Variants in LHFPL6 observed in about 807,000 individuals in gnomAD.
The protein encoded by LHFPL6 is LHFPL tetraspan subfamily member 6 protein.
LHFPL6 carries 9 observed loss-of-function variants against 20.6 expected under a neutral mutation model. That is an observed-to-expected ratio of 0.44 (90% CI 0.26 to 0.76). The LOEUF is 0.76. Ranked by LOEUF, LHFPL6 falls within the 30% of genes least tolerant of loss-of-function variation. The pLI is 0.20. For synonymous variants in LHFPL6, 105 were observed against 98.7 expected, an observed-to-expected ratio of 1.06 and a Z score of -0.38; for missense variants, 218 against 253.5, an observed-to-expected ratio of 0.86 and a Z score of 0.95.
intron 2 of LHFPL6, among the ~76,000 whole-genome samples, chr13:39,485,107 G>A (rs1372695864): frequency 1.3e-5 from 2 of 152,144 alleles, no homozygotes; most frequent in Non-Finnish European, 1.5e-5. Flanking sequence ...TTGCCCTCAT[G>A]AGTCAGTGAC....
intron 2 of LHFPL6, among the ~76,000 whole-genome samples, chr13:39,401,027 A>G (rs1870977604): frequency 6.6e-6 from 1 of 152,192 alleles, no homozygotes; most frequent in Non-Finnish European, 1.5e-5. Flanking sequence ...ATTAACATAT[A>G]GAAAAGTGAT....
intron 2 of LHFPL6, among the ~76,000 whole-genome samples, chr13:39,481,804 T>G (rs1348649988): frequency 6.6e-6 from 1 of 152,166 alleles, no homozygotes; most frequent in Non-Finnish European, 1.5e-5. Flanking sequence ...TGCAAGATTT[T>G]CAACAGGAGT....
At chr13:39,469,124 G>C (rs1872879444) in intron 2 of LHFPL6, among the ~76,000 whole-genome samples, 1 of 152,270 alleles carries the variant, frequency 6.6e-6, no homozygotes, top group African/African-American at 2.4e-5. Flanking sequence ...TGCCAGTAGA[G>C]CTGCCCTGAA....
At position 39,402,557 on chromosome 13, in the gene LHFPL6, T is replaced by C. The variant is rs76393460; in HGVS notation, c.386-24031A>G. ...TTTTGCTTTTTTAAATATAGAAATA[T>C]AGCTCCAAGAAAATGTAAAATGGCA... On this transcript the variant is annotated intron_variant, in intron 2 of 3. Coordinates refer to ENST00000379589, the MANE Select transcript of LHFPL6 (RefSeq NM_005780.3). 7.1e-3 allele frequency among the ~76,000 whole-genome samples: 1,074 copies of C among 152,294 alleles called. 15 individuals are homozygous for C. The highest frequency in any genetic ancestry group is 0.025 in the African/African-American group (1,034 of 41,558).
intron 2 of LHFPL6, among the ~76,000 whole-genome samples, chr13:39,571,266 T>C (rs764682966): frequency 6.6e-6 from 1 of 152,200 alleles, no homozygotes; most frequent in African/African-American, 2.4e-5. Context: ...TCCGACCAGA[T>C]TGAGAACTTG....
chr13:39,362,831 G>T (rs922223028), intron 3 of LHFPL6, among the ~76,000 whole-genome samples: 3 of 152,144 alleles, frequency 2.0e-5, no homozygotes, highest in African/African-American at 7.2e-5. Flanking sequence ...ACACCAGCAC[G>T]AATCATACAA....
At position 39,352,871 on chromosome 13, in the gene LHFPL6, AT is replaced by A. The variant is rs2138338166; in HGVS notation, c.485-8818del. Among the ~76,000 whole-genome samples the A allele has an allele frequency of 2.9e-5, 2 of 67,914 alleles. 1 individual carries two copies. The highest frequency in any genetic ancestry group is 1.1e-3 in the South Asian group (2 of 1,840). 44.6% of individuals were successfully genotyped at this position (67,914 alleles called of 152,430 possible). ...TATAAATGTATATATATGTGTATAT[AT>A]ATATATAAATGTATATATATGTGTA... is the stretch of plus-strand genomic sequence containing the variant. On this transcript the variant is annotated intron_variant, in intron 3 of 3. Coordinates refer to ENST00000379589, the MANE Select transcript of LHFPL6 (RefSeq NM_005780.3).
intron 2 of LHFPL6, among the ~76,000 whole-genome samples, chr13:39,569,808 C>T (rs1227106418): frequency 1.3e-5 from 2 of 152,130 alleles, no homozygotes; most frequent in African/African-American, 4.8e-5. Flanking sequence ...GAGTGCCCAA[C>T]TAGAACTAGC....
Position 39,344,039 on chromosome 13 carries a change from C to A in LHFPL6, c.500G>T (p.Gly167Val), listed in dbSNP as rs909927698. The A allele has an allele frequency of 3.1e-6, 5 of 1,611,218 alleles. No homozygotes were observed. Among genetic ancestry groups the A allele is most frequent in the Admixed American group, 3.3e-5 (2 of 59,898 alleles). The stretch of plus-strand genomic sequence containing the variant: ...TGCTCCCGTGCAGTAGTAGGCCCAG[C>A]CGATTTCACACTTCCCTAAGGACAA... ...GQFDLGKCEI[G>V]WAYYCTGAGA... Residue 167 changes from glycine (G) to valine (V), a missense_variant, in exon 4 of 4, where the codon GGC becomes GTC. Physicochemically the swap from Gly to Val is moderately radical, Grantham distance 109. Coordinates refer to ENST00000379589, the MANE Select transcript of LHFPL6 (RefSeq NM_005780.3).
chr13:39,421,919 T>C (rs997309219), intron 2 of LHFPL6, among the ~76,000 whole-genome samples: 29 of 152,324 alleles, frequency 1.9e-4, no homozygotes, highest in African/African-American at 6.5e-4. Flanking sequence ...TCATAAAGAA[T>C]GGTCAGGTAG....
rs776374140 is a variant in LHFPL6 at position 39,419,942 on chromosome 13, G to A, written c.386-41416C>T. On this transcript the variant is annotated intron_variant, in intron 2 of 3. Transcript: ENST00000379589. ...TTTCTTTTACAGAAGTAAAAATGTC[G>A]AGAATAATGATTTTCAATAAAGTGA... Among the ~76,000 whole-genome samples, 13 of 151,892 alleles carry A rather than the reference G, an allele frequency of 8.6e-5. 1 individual carries two copies. The highest frequency in any genetic ancestry group is 9.7e-5 in the African/African-American group (4 of 41,336).
intron 2 of LHFPL6, among the ~76,000 whole-genome samples, chr13:39,586,798 T>G (rs1352259600): frequency 6.6e-6 from 1 of 152,150 alleles, no homozygotes; most frequent in Non-Finnish European, 1.5e-5. Context: ...GCTACTAGAC[T>G]ATATAGTTCC....
chr13:39,593,546 A>C (rs1872676950), intron 2 of LHFPL6, among the ~76,000 whole-genome samples: 1 of 151,934 alleles, frequency 6.6e-6, no homozygotes, highest in African/African-American at 2.4e-5. Flanking sequence ...TGCCCAAGGT[A>C]ATTTATAGAT....
At chr13:39,432,261 C>A (rs1871832591) in intron 2 of LHFPL6, among the ~76,000 whole-genome samples, 1 of 152,190 alleles carries the variant, frequency 6.6e-6, no homozygotes, top group East Asian at 1.9e-4. Flanking sequence ...AAGACACATC[C>A]AATACAGTCT....
At chr13:39,476,156 T>C (rs545482759) in intron 2 of LHFPL6, among the ~76,000 whole-genome samples, 127 of 152,336 alleles carry the variant, frequency 8.3e-4, no homozygotes, top group Non-Finnish European at 1.6e-3. Context: ...ATTTTTCTTT[T>C]AGTTTGTATG....
At chr13:39,398,274 G>A (rs1423114970) in intron 2 of LHFPL6, among the ~76,000 whole-genome samples, 2 of 152,140 alleles carry the variant, frequency 1.3e-5, no homozygotes, top group African/African-American at 4.8e-5. Flanking sequence ...ATCTCCTAAG[G>A]AACTTCCTGG....
intron 2 of LHFPL6, among the ~76,000 whole-genome samples, chr13:39,560,857 T>C (rs1279576770): frequency 6.6e-6 from 1 of 152,130 alleles, no homozygotes; most frequent in African/African-American, 2.4e-5. Flanking sequence ...TTGGCTATTT[T>C]CAAAGCAGTT....
intron 2 of LHFPL6, among the ~76,000 whole-genome samples, chr13:39,595,706 GA>G (rs33999589): frequency 0.73 from 111,211 of 152,078 alleles, 42,094 homozygotes; most frequent in East Asian, 0.86. Flanking sequence ...TGGTTGTGAT[GA>G]AAGGCATGGT....
intron 2 of LHFPL6, among the ~76,000 whole-genome samples, chr13:39,528,130 T>G (rs1870352037): frequency 6.6e-6 from 1 of 152,192 alleles, no homozygotes; most frequent in South Asian, 2.1e-4. Flanking sequence ...TGATTCACAC[T>G]ATGATTCATG....
Sources: gnomAD v4.1 joint callset for allele counts (sites outside exome capture counted in the v4.1 genomes callset) on GRCh38, gnomAD v4.1.1 for gene constraint, MANE v1.5 for transcripts, NCBI Gene and HGNC (gene_info 2026-07-23, HGNC 2026-07-21) for gene names.